NUFIP1: variants seen among roughly 807,000 people sequenced by gnomAD.
NUFIP1 encodes the protein FMR1-interacting protein NUFIP1.
Under a neutral mutation model 56.2 loss-of-function variants are expected in NUFIP1, and 38 were observed. The ratio of observed to expected loss-of-function variants is 0.68; its 90% CI spans 0.52 to 0.89. The LOEUF is 0.89. NUFIP1 is among the 40% of genes least tolerant of loss of function. NUFIP1 has a pLI of 0.00. For missense variants in NUFIP1, 567 were observed against 605.8 expected, an observed-to-expected ratio of 0.94 and a Z score of 0.67; for synonymous variants, 215 against 212.4, an observed-to-expected ratio of 1.01 and a Z score of -0.10.
At chr13:44,984,135 C>T (rs896647644) in intron 1 of NUFIP1, among the ~76,000 whole-genome samples, 18 of 152,280 alleles carry the variant, frequency 1.2e-4, no homozygotes, top group South Asian at 8.3e-4. Flanking sequence ...CTTGTACTGA[C>T]ACCTCTTTCT....
At chr13:44,954,104 A>C (rs1261609063) in intron 7 of NUFIP1, among the ~76,000 whole-genome samples, 1 of 152,196 alleles carries the variant, frequency 6.6e-6, no homozygotes, top group East Asian at 1.9e-4. Context: ...ACTATGCTGA[A>C]GGCATTGTAC....
intron 2 of NUFIP1, among the ~76,000 whole-genome samples, chr13:44,981,853 T>G (rs976304263): frequency 6.6e-6 from 1 of 152,002 alleles, no homozygotes; most frequent in Non-Finnish European, 1.5e-5. Flanking sequence ...TATATATCTA[T>G]TTCTAAAACC....
intron 6 of NUFIP1, among the ~76,000 whole-genome samples, chr13:44,960,533 C>T (rs894488826): frequency 3.9e-5 from 6 of 152,082 alleles, no homozygotes; most frequent in Non-Finnish European, 8.8e-5. Flanking sequence ...TCCCACAGTG[C>T]CAGGATTATA....
At chr13:44,942,156 A>G (rs923593304) in intron 9 of NUFIP1, among the ~76,000 whole-genome samples, 2 of 152,242 alleles carry the variant, frequency 1.3e-5, no homozygotes, top group African/African-American at 4.8e-5. Context: ...GAAATTGGTA[A>G]GTACATCTAT....
chr13:44,982,180 T>A, intron 1 of NUFIP1, 26 bp from the exon 2 acceptor site: 1 of 1,095,304 alleles, frequency 9.1e-7, no homozygotes. Flanking sequence ...TCCATAAATG[T>A]TTGCAACAAT....
chr13:44,975,664 G>C (rs1047349921), intron 5 of NUFIP1, among the ~76,000 whole-genome samples: 2 of 152,028 alleles, frequency 1.3e-5, no homozygotes. Flanking sequence ...TCTTTTCCTA[G>C]TTAGTTCTGA....
chr13:44,948,925 A>G (rs1318300850), intron 8 of NUFIP1, among the ~76,000 whole-genome samples: 1 of 152,210 alleles, frequency 6.6e-6, no homozygotes, highest in African/African-American at 2.4e-5. Context: ...TAATGCAGAC[A>G]CAAGTATAAG....
rs550849823 is a variant in NUFIP1, at chr13:44,942,994, G to C, written c.1371+448C>G. Among the ~76,000 whole-genome samples, 337 of 151,482 alleles carry C rather than the reference G, an allele frequency of 2.2e-3. 2 individuals carry two copies. Among genetic ancestry groups the C allele is most frequent in the Non-Finnish European group, 4.1e-3 (278 of 67,868 alleles). ...AAAAAAAAAAAAAAAAAAATAGGTG[G>C]AGGAGGGAGGGAAGGAAGACAATCC... On this transcript the variant is annotated intron_variant, in intron 9 of 9. Transcript: ENST00000379161.
intron 8 of NUFIP1, among the ~76,000 whole-genome samples, chr13:44,948,431 C>T (rs1480095899): frequency 3.9e-5 from 6 of 152,104 alleles, no homozygotes; most frequent in Non-Finnish European, 5.9e-5. Context: ...TGTGAGCCAC[C>T]GTGCCTGGCC....
At chr13:44,952,235 TC>T (rs1160068403) in intron 7 of NUFIP1, among the ~76,000 whole-genome samples, 2 of 152,110 alleles carry the variant, frequency 1.3e-5, no homozygotes, top group African/African-American at 2.4e-5. Flanking sequence ...CAAGCGATTC[TC>T]CCCTTAGCCT....
At chr13:44,963,541 A>C (rs1871496350) in intron 6 of NUFIP1, among the ~76,000 whole-genome samples, 2 of 152,224 alleles carry the variant, frequency 1.3e-5, no homozygotes, top group African/African-American at 2.4e-5. Context: ...TTATTAGATT[A>C]AAGAAATTAT....
chr13:44,982,239 AAT>A lies in NUFIP1; in HGVS notation c.413-87_413-86del, dbSNP rs1872220824. On this transcript the variant is annotated intron_variant, in intron 1 of 9. Transcript: ENST00000379161. ...ATTTTATCTACTACAGCATGTTACA[AAT>A]ATTTCAGTAAAAACACTAGTAAACT... is the stretch of plus-strand genomic sequence containing the variant. 5.3e-6 allele frequency: 3 copies of A among 566,468 alleles called. No individual in the cohort carries two copies. The South Asian group carries it at 1.6e-4, about 30-fold the overall frequency. The allele number at this position is 566,468 out of a possible 1,614,324, so 35.1% of individuals were successfully genotyped here. A position where few individuals can be genotyped will look rare whatever the true frequency, so the allele number is the denominator to read the frequency against.
intron 1 of NUFIP1, among the ~76,000 whole-genome samples, chr13:44,983,588 A>T (rs1872274330): frequency 6.6e-6 from 1 of 152,088 alleles, no homozygotes; most frequent in Non-Finnish European, 1.5e-5. Context: ...CTTGAGCCCA[A>T]GAGTTTGAGA....
intron 9 of NUFIP1, 139 bp downstream of exon 9, chr13:44,943,303 A>T: frequency 1.5e-6 from 1 of 667,110 alleles, no homozygotes; most frequent in Non-Finnish European, 2.6e-6. Flanking sequence ...CTACAGAATT[A>T]AGATACAAAG....
chr13:44,967,381 G>A (rs1871642540), intron 5 of NUFIP1, among the ~76,000 whole-genome samples: 1 of 151,960 alleles, frequency 6.6e-6, no homozygotes, highest in Non-Finnish European at 1.5e-5. Flanking sequence ...GGTGGCGGAT[G>A]CCTGTAATCC....
In NUFIP1 at chr13:44,939,997, C is replaced by G. The variant is rs1206775450; in HGVS notation, c.*1209G>C. On this transcript the variant is annotated 3_prime_UTR_variant, in exon 10 of 10. Coordinates refer to ENST00000379161, the MANE Select transcript of NUFIP1 (RefSeq NM_012345.3). ...ATCCTGAGTTGGTTGGGAATCACAT[C>G]TTTGAATATATCAAAATTAAACTGA... 1.3e-5 allele frequency: 2 copies of G among 152,132 alleles called. No homozygotes were observed. Among genetic ancestry groups the G allele is most frequent in the East Asian group, 1.9e-4 (1 of 5,202 alleles). The allele number at this position is 152,132 out of a possible 1,614,324, so 9.4% of individuals were successfully genotyped here.
At chr13:44,943,345 A>AAAAC (rs952619608) in intron 9 of NUFIP1, 97 bp downstream of exon 9, 2 of 1,064,020 alleles carry the variant, frequency 1.9e-6, no homozygotes, top group Non-Finnish European at 2.8e-6. Context: ...TGGTAACCTT[A>AAAAC]AAACAAACAC....
At chr13:44,972,578 A>C (rs1441512651) in intron 5 of NUFIP1, among the ~76,000 whole-genome samples, 1 of 152,244 alleles carries the variant, frequency 6.6e-6, no homozygotes, top group Non-Finnish European at 1.5e-5. Flanking sequence ...TGGTATTTAT[A>C]TGACAGTATA....
intron 1 of NUFIP1, among the ~76,000 whole-genome samples, chr13:44,988,211 G>C (rs1467781753): frequency 3.3e-5 from 5 of 152,208 alleles, no homozygotes; most frequent in African/African-American, 1.2e-4. Context: ...CTGAGCTCAG[G>C]AGTTAGAGAC....
Sources: allele counts gnomAD v4.1 joint callset (sites outside exome capture counted in the v4.1 genomes callset), GRCh38; gene constraint gnomAD v4.1.1; transcripts MANE v1.5; gene names NCBI Gene and HGNC (gene_info 2026-07-23, HGNC 2026-07-21).